The following PCSK2 variants were observed in gnomAD, a reference collection of about 807,000 sequenced individuals.
PCSK2 encodes neuroendocrine convertase 2.
PCSK2 carries 14 observed loss-of-function variants against 69.7 expected under a neutral mutation model. The ratio of observed to expected loss-of-function variants is 0.20; its 90% confidence interval spans 0.13 to 0.31. The LOEUF (loss-of-function observed/expected upper bound fraction) is 0.31, where lower values mean the gene tolerates loss of function less well. Ranked by LOEUF, PCSK2 falls within the 10% of genes least tolerant of loss-of-function variation. PCSK2 has a pLI of 1.00. For missense variants in PCSK2, 544 were observed against 842.5 expected (o/e 0.65, Z 4.39); for synonymous variants, 307 against 320.7 (o/e 0.96, Z 0.46).
At position 17,264,250 on chromosome 20, in the gene PCSK2, C is replaced by A. The variant is rs1275790088; in HGVS notation, c.282+3906C>A. ...CAAAATAATTTAATTAAAAAATAAC[C>A]TGAACTTCATTTCTTGAGAGAGGTT... On this transcript the variant is annotated intron_variant, in intron 2 of 11. Transcript: ENST00000262545. Among the ~76,000 whole-genome samples the A allele has an allele frequency of 2.6e-5, 4 of 152,112 alleles. No homozygotes were observed. The East Asian group carries it at 7.7e-4, about 29-fold the overall frequency.
chr20:17,322,757 G>T (rs2123134972), intron 2 of PCSK2, among the ~76,000 whole-genome samples: 1 of 152,292 alleles, frequency 6.6e-6, no homozygotes, highest in East Asian at 1.9e-4. Flanking sequence ...GGACAAGAAA[G>T]GTGAACTCTC....
At chr20:17,226,683 A>G (rs1253744569), upstream of PCSK2, among the ~76,000 whole-genome samples, 1 of 151,692 alleles carries the variant, frequency 6.6e-6, no homozygotes, top group Non-Finnish European at 1.5e-5. Context: ...ACAAACAATG[A>G]CATCACTCCG....
At chr20:17,230,397 T>C (rs1453218961) in intron 1 of PCSK2, among the ~76,000 whole-genome samples, 4 of 152,246 alleles carry the variant, frequency 2.6e-5, no homozygotes, top group Admixed American at 2.6e-4. Context: ...AATTCTCAGA[T>C]GAAAACCTTA....
intron 2 of PCSK2, among the ~76,000 whole-genome samples, chr20:17,270,679 T>C (rs547160663): frequency 6.6e-6 from 1 of 152,272 alleles, no homozygotes; most frequent in South Asian, 2.1e-4. Flanking sequence ...AATAGTTTAA[T>C]GGATGTTAAT....
intron 5 of PCSK2, among the ~76,000 whole-genome samples, chr20:17,369,596 C>T (rs1192038699): frequency 6.6e-6 from 1 of 152,198 alleles, no homozygotes; most frequent in African/African-American, 2.4e-5. Flanking sequence ...AGCCACAGCT[C>T]AGGCCACAAG....
intron 1 of PCSK2, among the ~76,000 whole-genome samples, chr20:17,256,058 G>A (rs1987165255): frequency 1.3e-5 from 2 of 152,126 alleles, no homozygotes; most frequent in African/African-American, 4.8e-5. Context: ...AACATTAGTA[G>A]AACTAATCAG....
intron 1 of PCSK2, among the ~76,000 whole-genome samples, chr20:17,256,422 T>A (rs1987179287): frequency 6.6e-6 from 1 of 152,132 alleles, no homozygotes; most frequent in African/African-American, 2.4e-5. Context: ...GTTTTTATTA[T>A]TTTTTCCTCT....
intron 4 of PCSK2, among the ~76,000 whole-genome samples, chr20:17,365,754 G>C (rs779355890): frequency 3.9e-5 from 6 of 152,230 alleles, no homozygotes; most frequent in Non-Finnish European, 7.3e-5. Context: ...AGGAGTAACA[G>C]GTCTCAAGTA....
chr20:17,236,779 GA>G (rs1986356228), intron 1 of PCSK2, among the ~76,000 whole-genome samples: 1 of 152,158 alleles, frequency 6.6e-6, no homozygotes, highest in African/African-American at 2.4e-5. Context: ...GATTAAAGGG[GA>G]AAAAATTGGC....
intron 5 of PCSK2, among the ~76,000 whole-genome samples, chr20:17,374,869 C>A (rs1401933240): frequency 6.6e-6 from 1 of 152,114 alleles, no homozygotes; most frequent in Non-Finnish European, 1.5e-5. Flanking sequence ...ACAGAGTCTT[C>A]AGCAGAGTTG....
intron 2 of PCSK2, among the ~76,000 whole-genome samples, chr20:17,272,294 A>G (rs925223757): frequency 6.6e-6 from 1 of 152,056 alleles, no homozygotes; most frequent in East Asian, 1.9e-4. Flanking sequence ...CGTATCTCCC[A>G]CATTTTAAAA....
In PCSK2 at chr20:17,482,085, C is replaced by A. The variant is rs7353514; in HGVS notation, c.*15C>A. ...ACAAGAACTAGCGCTGCACATCCGC[C>A]TTTCCCACCGCCCTCCCTCCCCAGC... On this transcript the variant is annotated 3_prime_UTR_variant, in exon 12 of 12. Coordinates refer to ENST00000262545, the MANE Select transcript of PCSK2 (RefSeq NM_002594.5). 1 of 1,537,860 alleles carries A rather than the reference C, an allele frequency of 6.5e-7. No homozygotes were observed. The highest frequency in any genetic ancestry group is 8.7e-7 in the Non-Finnish European group (1 of 1,144,154).
intron 10 of PCSK2, among the ~76,000 whole-genome samples, chr20:17,461,493 A>G (rs2033013621): frequency 6.6e-6 from 1 of 152,222 alleles, no homozygotes; most frequent in African/African-American, 2.4e-5. Flanking sequence ...ACATTGTCAG[A>G]TAAAGATCAG....
intron 1 of PCSK2, among the ~76,000 whole-genome samples, chr20:17,228,507 G>A (rs933424660): frequency 6.6e-6 from 1 of 152,078 alleles, no homozygotes; most frequent in African/African-American, 2.4e-5. Context: ...AAGGTGGGGC[G>A]AGGGGAACCC....
intron 5 of PCSK2, among the ~76,000 whole-genome samples, chr20:17,385,741 G>T (rs1317595815): frequency 6.6e-6 from 1 of 152,282 alleles, no homozygotes; most frequent in East Asian, 1.9e-4. Context: ...GGGAGCAGGG[G>T]AGTGAAAAAG....
In PCSK2 at chr20:17,362,636, G is replaced by A. The variant is rs192071424; in HGVS notation, c.505+1996G>A. Among the ~76,000 whole-genome samples the A allele has an allele frequency of 6.6e-5, 10 of 152,312 alleles. No individual in the cohort carries two copies. In the East Asian group the frequency reaches 1.7e-3, roughly 26 times the overall value. ...GGTGGCTCAGGACTCCCAAGAGTAG[G>A]CCTTCCAAAAGAGAAGAAGCAGAAG... On this transcript the variant is annotated intron_variant, in intron 4 of 11. Coordinates refer to ENST00000262545, the MANE Select transcript of PCSK2 (RefSeq NM_002594.5).
chr20:17,327,535 G>A (rs1990096246), intron 2 of PCSK2, among the ~76,000 whole-genome samples: 1 of 152,074 alleles, frequency 6.6e-6, no homozygotes, highest in Non-Finnish European at 1.5e-5. Flanking sequence ...TACCAAGGAA[G>A]GAAGACGCCC....
At chr20:17,458,201 C>A (rs2032956263) in intron 10 of PCSK2, among the ~76,000 whole-genome samples, 1 of 152,126 alleles carries the variant, frequency 6.6e-6, no homozygotes, top group Non-Finnish European at 1.5e-5. Context: ...AAAATACCAA[C>A]TTTCTGAGGT....
intron 2 of PCSK2, among the ~76,000 whole-genome samples, chr20:17,350,772 G>A (rs1600513425): frequency 6.6e-6 from 1 of 152,306 alleles, no homozygotes; most frequent in African/African-American, 2.4e-5. Context: ...GCCAGGCGTG[G>A]TGGCTTATGC....
Sources: gnomAD v4.1 joint callset for allele counts (sites outside exome capture counted in the v4.1 genomes callset) on GRCh38, gnomAD v4.1.1 for gene constraint, MANE v1.5 for transcripts, NCBI Gene and HGNC (gene_info 2026-07-23, HGNC 2026-07-21) for gene names.